SPHKAP: variants seen among roughly 807,000 people sequenced by gnomAD.
SPHKAP encodes the protein SPHK1 interactor, AKAP domain containing.
SPHKAP carries 67 observed loss-of-function variants against 137.5 expected under a neutral mutation model. The observed-to-expected ratio is 0.49, with a 90% CI of 0.40 to 0.60. The LOEUF (loss-of-function observed/expected upper bound fraction) is 0.60, where lower values mean the gene tolerates loss of function less well. Among genes scored for constraint, SPHKAP ranks in the 20% least tolerant of loss-of-function variants. The probability of loss-of-function intolerance (pLI) is 0.00; values close to 1 mark genes in which losing one functional copy is unlikely to be tolerated. For synonymous variants in SPHKAP, 813 were observed against 785.3 expected (o/e 1.04, Z -0.59); for missense variants, 2,097 against 2,069.3 (o/e 1.01, Z -0.26).
intron 3 of SPHKAP, among the ~76,000 whole-genome samples, chr2:228,033,461 A>G (rs1695441186): frequency 6.6e-6 from 1 of 152,220 alleles, no homozygotes; most frequent in Non-Finnish European, 1.5e-5. Context: ...TCAACATTGG[A>G]CAGATCAACG....
At chr2:228,057,062 G>A (rs996849335) in intron 3 of SPHKAP, among the ~76,000 whole-genome samples, 1 of 152,200 alleles carries the variant, frequency 6.6e-6, no homozygotes, top group African/African-American at 2.4e-5. Flanking sequence ...ATGGCTGAAA[G>A]CAAAACCTGA....
chr2:228,017,079 A>G lies in SPHKAP; in HGVS notation c.3775T>C (p.Ser1259Pro). 1.2e-6 allele frequency: 2 copies of G among 1,613,990 alleles called. No homozygotes were observed. The highest frequency in any genetic ancestry group is 1.7e-6 in the Non-Finnish European group (2 of 1,179,982). ...CAGTTCTGAGCAAAGCCATCTAAAG[A>G]GTTGGCTTTGATGGGCACATTCACT... ...LTVNVPIKANSLDGFAQNCPQ... is the reference protein window; with the variant it reads ...LTVNVPIKANPLDGFAQNCPQ... The change falls in exon 7 of 12, where the codon TCT becomes CCT. Residue 1259 changes from serine (S) to proline (P), a missense_variant. Physicochemically the swap from Ser to Pro is moderately conservative, Grantham distance 74. Coordinates refer to ENST00000392056, the MANE Select transcript of SPHKAP (RefSeq NM_001142644.2).
chr2:228,100,533 T>C (rs903546954), intron 3 of SPHKAP, among the ~76,000 whole-genome samples: 1 of 152,166 alleles, frequency 6.6e-6, no homozygotes, highest in Non-Finnish European at 1.5e-5. Context: ...GCCTAGTTTG[T>C]TGAGGGTTTT....
intron 3 of SPHKAP, among the ~76,000 whole-genome samples, chr2:228,076,187 T>C (rs1697177241): frequency 6.6e-6 from 1 of 152,210 alleles, no homozygotes; most frequent in Non-Finnish European, 1.5e-5. Flanking sequence ...CCACTGGAAC[T>C]GTAAGTTTAA....
At chr2:228,036,521 T>A (rs911231469) in intron 3 of SPHKAP, among the ~76,000 whole-genome samples, 3 of 152,168 alleles carry the variant, frequency 2.0e-5, no homozygotes, top group Admixed American at 2.0e-4. Flanking sequence ...GACTCAGCCA[T>A]CCCATTACTG....
At position 228,016,982 on chromosome 2, in the gene SPHKAP, C is replaced by A; in HGVS notation, c.3872G>T (p.Cys1291Phe). The A allele has an allele frequency of 6.2e-7, 1 of 1,614,090 alleles. No homozygotes were observed. The highest frequency in any genetic ancestry group is 8.5e-7 in the Non-Finnish European group (1 of 1,179,998). ...GTCAGTCCCACCTCTCCGATACAAG[C>A]AAGAGTCAGATTTGCAGAGACCGGA... ...SSSGLCKSDS[C>F]LYRRGGTDHI... Residue 1291 changes from cysteine to phenylalanine, a missense_variant, in exon 7 of 12, where the codon TGC becomes TTC. Coordinates refer to ENST00000392056, the MANE Select transcript of SPHKAP (RefSeq NM_001142644.2).
chr2:228,045,505 A>C (rs1559144668), intron 3 of SPHKAP, among the ~76,000 whole-genome samples: 1 of 151,682 alleles, frequency 6.6e-6, no homozygotes, highest in South Asian at 2.1e-4. Flanking sequence ...AGGACAAAAA[A>C]CCAAACACCA....
intron 7 of SPHKAP, among the ~76,000 whole-genome samples, chr2:227,997,095 G>A (rs902197364): frequency 2.0e-5 from 3 of 152,088 alleles, no homozygotes; most frequent in African/African-American, 4.8e-5. Context: ...CTTAACCCTG[G>A]TGCCAGATTA....
chr2:228,119,538 A>G (rs1442368265), intron 2 of SPHKAP, among the ~76,000 whole-genome samples: 2 of 150,318 alleles, frequency 1.3e-5, no homozygotes, highest in East Asian at 2.0e-4. Context: ...AATTTTATAC[A>G]TTTAACTTCA....
chr2:227,994,663 C>T (rs900923901), intron 8 of SPHKAP, among the ~76,000 whole-genome samples: 1 of 152,176 alleles, frequency 6.6e-6, no homozygotes, highest in South Asian at 2.1e-4. Flanking sequence ...CTCAAAATTG[C>T]ACTGGAGATA....
chr2:228,046,976 A>G (rs1696084837), intron 3 of SPHKAP, among the ~76,000 whole-genome samples: 1 of 152,212 alleles, frequency 6.6e-6, no homozygotes, highest in Non-Finnish European at 1.5e-5. Flanking sequence ...ATAAAAGCAT[A>G]AAAAATATTC....
In SPHKAP at chr2:228,020,004, C is replaced by T. The variant is rs201158837; in HGVS notation, c.850G>A (p.Glu284Lys). Residue 284 changes from glutamate (E) to lysine (K), a missense_variant, in exon 7 of 12, where the codon GAA becomes AAA. By Grantham distance (56) the Glu-to-Lys change is moderately conservative. Coordinates refer to ENST00000392056, the MANE Select transcript of SPHKAP (RefSeq NM_001142644.2). ...TTTGTTAGGTTTTCTGGAGATCGTTCTGTTTTAATCAATGGTGTGGGATAT... is the reference window on the plus strand; with the variant it reads ...TTTGTTAGGTTTTCTGGAGATCGTTTTGTTTTAATCAATGGTGTGGGATAT... ...NKYPTPLIKT[E>K]RSPENLTKNT... is the part of the protein sequence containing the mutation. The T allele has an allele frequency of 3.1e-6, 5 of 1,614,192 alleles. No homozygotes were observed. The East Asian group carries it at 1.1e-4, about 36-fold the overall frequency.
Position 228,080,830 on chromosome 2 carries a change from A to C in SPHKAP, c.246+28002T>G, listed in dbSNP as rs895856722. Reference sequence around the variant, plus strand: ...TCATCTCACACCTGTTAGAATGGCTATTATCAAAAAGACAAAAGATAGCAA... The same window carrying C: ...TCATCTCACACCTGTTAGAATGGCTCTTATCAAAAAGACAAAAGATAGCAA... On this transcript the variant is annotated intron_variant, in intron 3 of 11. Transcript: ENST00000392056. Among the ~76,000 whole-genome samples the C allele has an allele frequency of 2.6e-5, 4 of 152,164 alleles. No homozygotes were observed. The East Asian group carries it at 7.7e-4, about 29-fold the overall frequency.
intron 3 of SPHKAP, among the ~76,000 whole-genome samples, chr2:228,033,665 T>G (rs1265421218): frequency 6.6e-6 from 1 of 152,134 alleles, no homozygotes; most frequent in African/African-American, 2.4e-5. Context: ...AGAACAGAAA[T>G]TATAACAAAC....
intron 3 of SPHKAP, among the ~76,000 whole-genome samples, chr2:228,089,542 CA>C (rs1697652974): frequency 6.6e-6 from 1 of 152,206 alleles, no homozygotes; most frequent in African/African-American, 2.4e-5. Flanking sequence ...ATTAGCATGA[CA>C]AAAAGGAAGC....
intron 2 of SPHKAP, 141 bp from the exon 3 acceptor site, chr2:228,109,080 C>T (rs753095439): frequency 2.6e-5 from 15 of 583,262 alleles, no homozygotes; most frequent in African/African-American, 3.9e-5. Context: ...TAGAAAAAAA[C>T]TTGCAGGATG....
In SPHKAP at chr2:228,018,949, G is replaced by A. The variant is rs1574755704; in HGVS notation, c.1905C>T (p.Ser635=). Residue 635 remains serine, a synonymous_variant, in exon 7 of 12, where the codon AGC becomes AGT. Transcript: ENST00000392056. ...TCATGGAGTCCAGAAAGTCTCCAAT[G>A]CTGCTGTAGGTATTAGGCCTTGTTA... ...LVLTRPNTYS[S]IGDFLDSMNR... 1 of 1,614,180 alleles carries A rather than the reference G, an allele frequency of 6.2e-7. No homozygotes were observed. The highest frequency in any genetic ancestry group is 8.5e-7 in the Non-Finnish European group (1 of 1,180,008).
intron 2 of SPHKAP, chr2:228,109,264 G>A (rs1698441764): frequency 1.7e-6 from 1 of 601,146 alleles, no homozygotes; most frequent in Admixed American, 6.3e-5. Flanking sequence ...TGTGGGCAAT[G>A]GGGATCAAAT....
At chr2:228,066,915 T>C (rs1488193316) in intron 3 of SPHKAP, among the ~76,000 whole-genome samples, 1 of 152,258 alleles carries the variant, frequency 6.6e-6, no homozygotes, top group African/African-American at 2.4e-5. Flanking sequence ...ATTTTTGATG[T>C]ACTGTTCAGT....
Sources: gnomAD v4.1 joint callset for allele counts (sites outside exome capture counted in the v4.1 genomes callset) on GRCh38, gnomAD v4.1.1 for gene constraint, MANE v1.5 for transcripts, NCBI Gene and HGNC (gene_info 2026-07-23, HGNC 2026-07-21) for gene names.